Variants in FAN1 observed in about 807,000 individuals in gnomAD.
FAN1 encodes the protein FANCD2 and FANCI associated nuclease 1, also known as fanconi-associated nuclease 1.
FAN1 carries 91 observed loss-of-function variants against 104.9 expected under a neutral mutation model. The ratio of observed to expected loss-of-function variants is 0.87; its 90% confidence interval spans 0.73 to 1.03. The LOEUF is 1.03. Among genes scored for constraint, FAN1 ranks in the 50% least tolerant of loss-of-function variants. The pLI is 0.00. For synonymous variants in FAN1, 478 were observed against 457.6 expected (o/e 1.04, Z -0.57); for missense variants, 1,263 against 1,239.9 (o/e 1.02, Z -0.28).
Position 30,942,108 on chromosome 15 carries a change from C to CCCTTTTTAGAAAGATTG in FAN1, c.*547_*563dup. The CCCTTTTTAGAAAGATTG allele has an allele frequency of 6.4e-7, 1 of 1,570,734 alleles. No individual in the cohort carries two copies. The highest frequency in any genetic ancestry group is 1.2e-5 in the South Asian group (1 of 84,106). On this transcript the variant is annotated 3_prime_UTR_variant, in exon 15 of 15. Coordinates refer to ENST00000362065, the MANE Select transcript of FAN1 (RefSeq NM_014967.5). ...GAGATTTTATTATGTTCCGGGGATTCCCTTTTTAGAAAGATTGAAGGATGC... is the reference window on the plus strand; with the variant it reads ...GAGATTTTATTATGTTCCGGGGATTCCCTTTTTAGAAAGATTGCCTTTTTAGAAAGATTGAAGGATGC...
chr15:30,918,214 A>T lies in FAN1; in HGVS notation c.1862A>T (p.Asn621Ile). The change falls in exon 6 of 15, where the codon AAT (asparagine) becomes ATT (isoleucine). Residue 621 changes from asparagine to isoleucine, a missense_variant. Asn to Ile is a moderately radical substitution (Grantham distance 149, BLOSUM62 -3). Coordinates refer to ENST00000362065, the MANE Select transcript of FAN1 (RefSeq NM_014967.5). ...MLSDISSAMA[N>I]GNWEEAKELA... ...AGTGACATTTCTTCCGCAATGGCCA[A>T]TGGGAACTGGGAAGAAGCTAAGGAG... 1.9e-6 allele frequency: 3 copies of T among 1,614,076 alleles called. No homozygotes were observed. Among genetic ancestry groups the T allele is most frequent in the Non-Finnish European group, 2.5e-6 (3 of 1,179,972 alleles).
chr15:30,925,809 G>A lies in FAN1; in HGVS notation c.2358G>A (p.Leu786=), dbSNP rs2062446875. Residue 786 remains leucine, a synonymous_variant, in exon 10 of 15, where the codon CTG becomes CTA. Transcript: ENST00000362065. ...DVKHVTITGR[L]CPQRGMCKSV... ...TTCAGGTGACCATCACAGGCAGGCT[G>A]TGCCCACAGCGTGGGATGTGCAAGT... 6.2e-7 allele frequency: 1 copy of A among 1,614,178 alleles called. No individual in the cohort carries two copies. Among genetic ancestry groups the A allele is most frequent in the Non-Finnish European group, 8.5e-7 (1 of 1,180,032 alleles).
At chr15:30,932,658 A>G (rs908821448) in intron 13 of FAN1, among the ~76,000 whole-genome samples, 8 of 151,898 alleles carry the variant, frequency 5.3e-5, no homozygotes, top group African/African-American at 1.5e-4. Context: ...GTGTCTTTCA[A>G]GGAATTTGTC....
Position 30,904,907 on chromosome 15 carries a change from T to G in FAN1, c.244T>G (p.Ser82Ala). 6.2e-7 allele frequency: 1 copy of G among 1,614,056 alleles called. No individual in the cohort carries two copies. The highest frequency in any genetic ancestry group is 2.2e-5 in the East Asian group (1 of 44,884). ...TCCAGGGCAGGTTGGCTTAATAAATTCAAATGTGTCTATGGTAGATTTAAC... is the reference window on the plus strand; with the variant it reads ...TCCAGGGCAGGTTGGCTTAATAAATGCAAATGTGTCTATGGTAGATTTAAC... ...VDPGQVGLIN[S>A]NVSMVDLTSV... The change falls in exon 2 of 15, where the codon TCA becomes GCA. Residue 82 changes from serine (S) to alanine (A), a missense_variant. Physicochemically the swap from Ser to Ala is moderately conservative, Grantham distance 99. This residue lies in a region of FAN1 where 682 missense variants were observed against 571.1 expected (regional missense o/e 1.19). Coordinates refer to ENST00000362065, the MANE Select transcript of FAN1 (RefSeq NM_014967.5).
rs751612358 is a variant in FAN1, at chr15:30,942,544, G to T, written c.*982G>T. On this transcript the variant is annotated 3_prime_UTR_variant, in exon 15 of 15. Transcript: ENST00000362065. ...CAAACAATGAATGTTATTAGGACAA[G>T]AATATAGCAGTCAGGAGGCCATGAC... 9.3e-6 allele frequency: 3 copies of T among 322,662 alleles called. No individual in the cohort carries two copies. Among genetic ancestry groups the T allele is most frequent in the Non-Finnish European group, 1.1e-5 (2 of 177,856 alleles). 20.0% of individuals were successfully genotyped at this position (322,662 alleles called of 1,614,324 possible).
Position 30,942,936 on chromosome 15 carries a change from G to A in FAN1, c.*1374G>A, listed in dbSNP as rs749227520. ...CACGGAGCCATTCTGTATACAAGGT[G>A]TGCTCTTTCCAATGTAGAAGGGGTT... On this transcript the variant is annotated 3_prime_UTR_variant, in exon 15 of 15. Coordinates refer to ENST00000362065, the MANE Select transcript of FAN1 (RefSeq NM_014967.5). 9 of 1,567,358 alleles carry A rather than the reference G, an allele frequency of 5.7e-6. No homozygotes were observed. In the Admixed American group the frequency reaches 1.7e-4, roughly 29 times the overall value.
chr15:30,904,529 G>C lies in FAN1; in HGVS notation c.-135G>C. The stretch of plus-strand genomic sequence containing the variant: ...TCTTGTAGGAAGAAGAAATTGTCGA[G>C]ACGAATAACATGAGGTCATATAGAA... On this transcript the variant is annotated 5_prime_UTR_variant, in exon 2 of 15. Transcript: ENST00000362065. 1 of 838,296 alleles carries C rather than the reference G, an allele frequency of 1.2e-6. No individual in the cohort carries two copies. Among genetic ancestry groups the C allele is most frequent in the Non-Finnish European group, 2.0e-6 (1 of 493,522 alleles). 51.9% of individuals were successfully genotyped at this position (838,296 alleles called of 1,614,324 possible).
Position 30,942,841 on chromosome 15 carries a change from TG to T in FAN1, c.*1280del. ...AACGCTCTCTGTTCTGAAAAAGAGG[TG>T]TTTGGTTACGTGTGAGCCAACATCA... On this transcript the variant is annotated 3_prime_UTR_variant, in exon 15 of 15. Transcript: ENST00000362065. 1 of 1,482,300 alleles carries T rather than the reference TG, an allele frequency of 6.7e-7. No homozygotes were observed. Among genetic ancestry groups the T allele is most frequent in the Non-Finnish European group, 9.1e-7 (1 of 1,099,880 alleles). The allele number at this position is 1,482,300 out of a possible 1,614,324, so 91.8% of individuals were successfully genotyped here.
chr15:30,912,700 G>A (rs2062124210), intron 4 of FAN1, among the ~76,000 whole-genome samples: 1 of 152,166 alleles, frequency 6.6e-6, no homozygotes, highest in Non-Finnish European at 1.5e-5. Context: ...TTCTCAACTG[G>A]GGGCATCTGG....
chr15:30,941,930 C>T lies in FAN1; in HGVS notation c.*368C>T. Reference sequence around the variant, plus strand: ...TTCTCTAAAATACTGCTCCGTATCACTGTTCTGGCTGTCGGTTTGCTGAGC... The same window carrying T: ...TTCTCTAAAATACTGCTCCGTATCATTGTTCTGGCTGTCGGTTTGCTGAGC... On this transcript the variant is annotated 3_prime_UTR_variant, in exon 15 of 15. Coordinates refer to ENST00000362065, the MANE Select transcript of FAN1 (RefSeq NM_014967.5). 1.2e-6 allele frequency: 2 copies of T among 1,614,024 alleles called. No homozygotes were observed. The highest frequency in any genetic ancestry group is 1.7e-6 in the Non-Finnish European group (2 of 1,179,906).
chr15:30,907,025 A>C (rs980077246), intron 2 of FAN1, among the ~76,000 whole-genome samples: 2 of 151,064 alleles, frequency 1.3e-5, no homozygotes, highest in Non-Finnish European at 2.9e-5. Flanking sequence ...AATCATGTAC[A>C]ATCTGTTGGT....
chr15:30,920,063 AACTTT>A (rs2062288820), intron 6 of FAN1, among the ~76,000 whole-genome samples: 1 of 152,238 alleles, frequency 6.6e-6, no homozygotes, highest in Non-Finnish European at 1.5e-5. Context: ...CTGTGGCACC[AACTTT>A]ACTCTGCTGT....
chr15:30,925,260 T>A lies in FAN1; in HGVS notation c.2306T>A (p.Leu769His). 6.2e-7 allele frequency: 1 copy of A among 1,614,078 alleles called. No individual in the cohort carries two copies. Among genetic ancestry groups the A allele is most frequent in the Middle Eastern group, 1.6e-4 (1 of 6,062 alleles). Residue 769 changes from leucine to histidine, a missense_variant, in exon 9 of 15, where the codon CTC (leucine) becomes CAC (histidine). By Grantham distance (99) the Leu-to-His change is moderately conservative. Transcript: ENST00000362065. ...CKKFKHLFQQ[L>H]PEMAVQDVKH... Reference sequence around the variant, plus strand: ...AAGTTCAAGCACCTCTTCCAGCAGCTCCCAGAAATGGCTGTGCAAGATGTG... The same window carrying A: ...AAGTTCAAGCACCTCTTCCAGCAGCACCCAGAAATGGCTGTGCAAGATGTG...
chr15:30,907,466 C>T (rs574556568), intron 2 of FAN1, among the ~76,000 whole-genome samples: 3 of 151,780 alleles, frequency 2.0e-5, no homozygotes, highest in South Asian at 2.1e-4. Context: ...TTCAGTGAGC[C>T]GAGACTGCAC....
intron 2 of FAN1, chr15:30,906,312 A>G (rs950382464): frequency 6.5e-6 from 3 of 461,394 alleles, no homozygotes; most frequent in African/African-American, 4.0e-5. Context: ...ATAAAATACA[A>G]TACAGGAAGA....
intron 11 of FAN1, 134 bp downstream of exon 11, chr15:30,928,790 A>G (rs1346415429): frequency 6.7e-7 from 1 of 1,484,664 alleles, no homozygotes; most frequent in Non-Finnish European, 8.9e-7. Flanking sequence ...ACAGGTCAAG[A>G]TGATAACTTA....
chr15:30,930,706 A>G, intron 13 of FAN1, 35 bp downstream of exon 13: 2 of 1,609,034 alleles, frequency 1.2e-6, no homozygotes, highest in Non-Finnish European at 1.7e-6. Context: ...CCTGTTGGTA[A>G]CCTTATTAGC....
At chr15:30,907,906 T>A (rs1327318739) in intron 2 of FAN1, among the ~76,000 whole-genome samples, 1 of 152,210 alleles carries the variant, frequency 6.6e-6, no homozygotes, top group East Asian at 1.9e-4. Flanking sequence ...AATGTTGATG[T>A]CTAGAAAATG....
chr15:30,911,899 T>C (rs557635238), intron 4 of FAN1: 2 of 160,282 alleles, frequency 1.2e-5, no homozygotes, highest in South Asian at 4.0e-4. Flanking sequence ...CTGTCTCTAC[T>C]AAAAATACAA....
Sources: gnomAD v4.1 joint callset for allele counts (sites outside exome capture counted in the v4.1 genomes callset) on GRCh38, gnomAD v4.1.1 for gene constraint, gnomAD v4.1.1 regional missense constraint, MANE v1.5 for transcripts, NCBI Gene and HGNC (gene_info 2026-07-23, HGNC 2026-07-21) for gene names.